The following SMAD2 variants were observed in gnomAD, a reference collection of about 807,000 sequenced individuals.
SMAD2 encodes MAD homolog 2.
Under a neutral mutation model 64.4 loss-of-function variants are expected in SMAD2, and 8 were observed. The observed-to-expected ratio is 0.12, with a 90% CI of 0.07 to 0.22. The LOEUF (loss-of-function observed/expected upper bound fraction) is 0.22, where lower values mean the gene tolerates loss of function less well. SMAD2 is among the 10% of genes least tolerant of loss of function. The pLI, the probability that SMAD2 is intolerant of heterozygous loss-of-function variation, is 1.00. For missense variants in SMAD2, 289 were observed against 561.2 expected (o/e 0.51, Z 4.90); for synonymous variants, 203 against 195.8 (o/e 1.04, Z -0.31).
intron 1 of SMAD2, among the ~76,000 whole-genome samples, chr18:47,910,748 T>C (rs1256372798): frequency 6.6e-6 from 1 of 152,216 alleles, no homozygotes; most frequent in Non-Finnish European, 1.5e-5. Context: ...TTCTTTTCTC[T>C]AGCTTAAAGA....
In SMAD2 at chr18:47,817,532, C is replaced by A. The variant is rs1038255154; in HGVS notation, c.*24295G>T. 6.6e-6 allele frequency: 1 copy of A among 152,398 alleles called. No homozygotes were observed. Among genetic ancestry groups the A allele is most frequent in the Non-Finnish European group, 1.5e-5 (1 of 68,356 alleles). The allele number at this position is 152,398 out of a possible 1,614,324, so 9.4% of individuals were successfully genotyped here. ...CTGAGGCTGGTCTTGAACTCATGGG[C>A]TCAAGCGATCCTCCTGCCTTGGCCT... On this transcript the variant is annotated 3_prime_UTR_variant, in exon 11 of 11. Transcript: ENST00000262160.
intron 3 of SMAD2, 67 bp downstream of exon 3, chr18:47,870,408 T>C (rs748597544): frequency 6.0e-5 from 68 of 1,125,468 alleles, no homozygotes; most frequent in Non-Finnish European, 8.9e-5. Context: ...CAACCCCATA[T>C]AGGTCTTTCA....
Position 47,818,505 on chromosome 18 carries a change from T to C in SMAD2, c.*23322A>G, listed in dbSNP as rs1413520286. On this transcript the variant is annotated 3_prime_UTR_variant, in exon 11 of 11. Transcript: ENST00000262160. The stretch of plus-strand genomic sequence containing the variant: ...TCTCTGGTATAGCATAAAAATTGCT[T>C]GCCTGCTATGCAAAGGCTAAAAGAA... The C allele has an allele frequency of 6.6e-6, 1 of 152,222 alleles. No homozygotes were observed. Among genetic ancestry groups the C allele is most frequent in the Non-Finnish European group, 1.5e-5 (1 of 68,038 alleles). The allele number at this position is 152,222 out of a possible 1,614,324, so 9.4% of individuals were successfully genotyped here. A position where few individuals can be genotyped will look rare whatever the true frequency, so the allele number is the denominator to read the frequency against.
chr18:47,928,094 G>GC (rs2034840969), intron 1 of SMAD2, among the ~76,000 whole-genome samples: 1 of 151,876 alleles, frequency 6.6e-6, no homozygotes, highest in Non-Finnish European at 1.5e-5. Context: ...TAAAAGACAT[G>GC]CCCCCCTCTA....
chr18:47,895,167 ACT>A (rs1275154008), intron 2 of SMAD2: 1 of 151,992 alleles, frequency 6.6e-6, no homozygotes, highest in Non-Finnish European at 1.5e-5. Context: ...TAACATTCAA[ACT>A]CTCACCACAC....
At chr18:47,860,199 A>G (rs899660522) in intron 6 of SMAD2, among the ~76,000 whole-genome samples, 5 of 152,226 alleles carry the variant, frequency 3.3e-5, no homozygotes, top group Admixed American at 2.6e-4. Flanking sequence ...TTTATCAAAC[A>G]CATACACAAA....
chr18:47,843,338 C>T (rs1914157911), intron 10 of SMAD2, among the ~76,000 whole-genome samples: 1 of 152,150 alleles, frequency 6.6e-6, no homozygotes, highest in African/African-American at 2.4e-5. Flanking sequence ...TCTAGTGACC[C>T]ACCCACTCTG....
At chr18:47,860,066 G>A (rs1018087298) in intron 6 of SMAD2, among the ~76,000 whole-genome samples, 1 of 152,070 alleles carries the variant, frequency 6.6e-6, no homozygotes, top group Non-Finnish European at 1.5e-5. Context: ...AGCCTGGGAG[G>A]TTGAGGCTGC....
At chr18:47,844,580 A>G (rs1914308378) in intron 10 of SMAD2, among the ~76,000 whole-genome samples, 1 of 152,182 alleles carries the variant, frequency 6.6e-6, no homozygotes, top group South Asian at 2.1e-4. Flanking sequence ...CTATCCTTAT[A>G]AAAGAGGTAA....
intron 1 of SMAD2, among the ~76,000 whole-genome samples, chr18:47,921,908 GTGTCATT>G (rs2034577107): frequency 6.6e-6 from 1 of 152,170 alleles, no homozygotes; most frequent in Non-Finnish European, 1.5e-5. Flanking sequence ...ACTTGTGTCT[GTGTCATT>G]TTAAGAAATT....
At chr18:47,862,456 T>A (rs1180968592) in intron 6 of SMAD2, among the ~76,000 whole-genome samples, 1 of 152,226 alleles carries the variant, frequency 6.6e-6, no homozygotes, top group Non-Finnish European at 1.5e-5. Context: ...GCTTTTGGGT[T>A]TCCCAACAAT....
intron 1 of SMAD2, 164 bp downstream of exon 1, chr18:47,930,197 C>G (rs1057095027): frequency 6.6e-6 from 1 of 152,418 alleles, no homozygotes; most frequent in Non-Finnish European, 1.5e-5. Flanking sequence ...CTTCCCGGCT[C>G]TCCGGCCCCG....
chr18:47,848,354 T>C, intron 8 of SMAD2, 121 bp downstream of exon 8: 1 of 768,224 alleles, frequency 1.3e-6, no homozygotes, highest in African/African-American at 1.7e-5. Flanking sequence ...GTGTCGGCAC[T>C]TAAACCACCA....
At position 47,828,859 on chromosome 18, in the gene SMAD2, C is replaced by G. The variant is rs1001615400; in HGVS notation, c.*12968G>C. 6 of 157,088 alleles carry G rather than the reference C, an allele frequency of 3.8e-5. No homozygotes were observed. Among genetic ancestry groups the G allele is most frequent in the African/African-American group, 1.5e-4 (6 of 40,464 alleles). 9.7% of individuals were successfully genotyped at this position (157,088 alleles called of 1,614,324 possible). On this transcript the variant is annotated 3_prime_UTR_variant, in exon 11 of 11. Transcript: ENST00000262160. ...CCTTGTTCACATGTTTATCTGCTGA[C>G]CTTCCCTCCACTATTGTCCTATGAC...
intron 7 of SMAD2, 25 bp downstream of exon 7, chr18:47,851,249 T>C: frequency 6.6e-7 from 1 of 1,518,864 alleles, no homozygotes; most frequent in Non-Finnish European, 9.1e-7. Flanking sequence ...ATAAAAATGA[T>C]GAGGGGAACA....
At chr18:47,846,424 G>A (rs554279272) in intron 8 of SMAD2, among the ~76,000 whole-genome samples, 1 of 152,068 alleles carries the variant, frequency 6.6e-6, no homozygotes, top group Non-Finnish European at 1.5e-5. Flanking sequence ...ACACCTAAGA[G>A]TCTCAGCCCT....
chr18:47,872,107 A>C (rs947877856), intron 2 of SMAD2, among the ~76,000 whole-genome samples: 19 of 152,312 alleles, frequency 1.2e-4, no homozygotes, highest in Middle Eastern at 3.4e-3. Context: ...AAGAACTTGC[A>C]ATCAATCTAG....
intron 2 of SMAD2, among the ~76,000 whole-genome samples, chr18:47,888,329 C>G (rs879657189): frequency 6.6e-6 from 1 of 152,164 alleles, no homozygotes; most frequent in Admixed American, 6.5e-5. Flanking sequence ...CCTGGAGTCA[C>G]GTGTAGATTC....
At chr18:47,919,581 G>C (rs2034483548) in intron 1 of SMAD2, among the ~76,000 whole-genome samples, 1 of 151,878 alleles carries the variant, frequency 6.6e-6, no homozygotes, top group African/African-American at 2.4e-5. Flanking sequence ...GCTAGTGAGG[G>C]GGAAATCTCA....
Sources: gnomAD v4.1 joint callset for allele counts (sites outside exome capture counted in the v4.1 genomes callset) on GRCh38, gnomAD v4.1.1 for gene constraint, MANE v1.5 for transcripts, NCBI Gene and HGNC (gene_info 2026-07-23, HGNC 2026-07-21) for gene names.